Variants in FRAS1 observed in about 807,000 individuals in gnomAD.
FRAS1 encodes the protein Fraser extracellular matrix complex subunit 1, also known as extracellular matrix organizing protein FRAS1.
In FRAS1, 290 loss-of-function variants were observed where a neutral mutation model predicts 435.2. The observed-to-expected ratio is 0.67, with a 90% CI of 0.61 to 0.73. FRAS1 has a LOEUF of 0.73. FRAS1 is among the 30% of genes least tolerant of loss of function. The pLI, the probability that FRAS1 is intolerant of heterozygous loss-of-function variation, is 0.00. For missense variants in FRAS1, 4,860 were observed against 5,001.5 expected, an observed-to-expected ratio of 0.97 and a Z score of 0.85; for synonymous variants, 1,800 against 1,851.0, an observed-to-expected ratio of 0.97 and a Z score of 0.71.
At chr4:78,523,668 G>T (rs190540482) in intron 69 of FRAS1, among the ~76,000 whole-genome samples, 134 of 152,188 alleles carry the variant, frequency 8.8e-4, no homozygotes, top group Admixed American at 1.7e-3. Flanking sequence ...TAAAATTTTT[G>T]ATCTTATATC....
In FRAS1 at chr4:78,470,098, C is replaced by G. The variant is rs1449022173; in HGVS notation, c.7371+7C>G. The G allele has an allele frequency of 2.5e-6, 4 of 1,583,942 alleles. No individual in the cohort carries two copies. The African/African-American group carries it at 5.4e-5, about 21-fold the overall frequency. ...GGAATACATGGATGGCAAGGTAAGG[C>G]CTGTCCCTCTGTCATGTTCACACCA... is the stretch of plus-strand genomic sequence containing the variant. On this transcript the variant is annotated splice_region_variant and intron_variant, in intron 51 of 73. Transcript: ENST00000512123.
chr4:78,463,010 G>C (rs1224948590), intron 47 of FRAS1, among the ~76,000 whole-genome samples: 1 of 152,098 alleles, frequency 6.6e-6, no homozygotes, highest in African/African-American at 2.4e-5. Context: ...CCAGAAAACA[G>C]CAAATCAATT....
At chr4:78,446,961 A>T in intron 43 of FRAS1, 81 bp downstream of exon 43, 2 of 1,327,962 alleles carry the variant, frequency 1.5e-6, no homozygotes, top group East Asian at 2.5e-5. Flanking sequence ...ATTTCAGTTG[A>T]CTATTTCTTT....
At chr4:78,084,455 C>T (rs557436820) in intron 2 of FRAS1, among the ~76,000 whole-genome samples, 28 of 152,042 alleles carry the variant, frequency 1.8e-4, no homozygotes, top group African/African-American at 6.0e-4. Flanking sequence ...AACTACAGGG[C>T]GTCTTGTAAT....
intron 2 of FRAS1, among the ~76,000 whole-genome samples, chr4:78,078,474 G>A (rs1740753692): frequency 6.6e-6 from 1 of 152,056 alleles, no homozygotes; most frequent in Admixed American, 6.6e-5. Context: ...CATTTAGTTT[G>A]AGAATGATTA....
Position 78,515,923 on chromosome 4 carries a change from C to A in FRAS1, c.10299C>A (p.Asn3433Lys), listed in dbSNP as rs377102088. The A allele has an allele frequency of 8.7e-6, 14 of 1,613,992 alleles. No homozygotes were observed. The Middle Eastern group carries it at 4.9e-4, about 57-fold the overall frequency. Residue 3433 changes from asparagine (N) to lysine (K), a missense_variant, in exon 66 of 74, where the codon AAC becomes AAA. Physicochemically the swap from Asn to Lys is moderately conservative, Grantham distance 94. Transcript: ENST00000512123. ...PKTIQLYKHL[N>K]LKSCVWTFDA... ...CCATCCAGCTCTACAAACACCTGAA[C>A]CTGAAGAGCTGCGTGTGGACCTTTG...
chr4:78,416,351 G>A (rs1733553580), intron 32 of FRAS1, among the ~76,000 whole-genome samples: 1 of 152,052 alleles, frequency 6.6e-6, no homozygotes, highest in Non-Finnish European at 1.5e-5. Flanking sequence ...TTTCAGCTTT[G>A]CAAGGTGGGA....
chr4:78,312,670 T>TA (rs999875110), intron 15 of FRAS1, among the ~76,000 whole-genome samples: 45 of 143,028 alleles, frequency 3.1e-4, no homozygotes, highest in East Asian at 6.0e-4. Flanking sequence ...CTACTAAAAA[T>TA]AAAAAAAAAA....
chr4:78,209,027 C>T (rs1013095135), intron 2 of FRAS1, among the ~76,000 whole-genome samples: 7 of 151,666 alleles, frequency 4.6e-5, no homozygotes, highest in Non-Finnish European at 1.0e-4. Context: ...TGCCTGTGGT[C>T]CCAGCTACAT....
At chr4:78,237,421 C>G in intron 2 of FRAS1, 89 bp from the exon 3 acceptor site, 1 of 856,216 alleles carries the variant, frequency 1.2e-6, no homozygotes. Context: ...TTGTAATTGT[C>G]CAGGATGTGG....
At chr4:78,172,474 A>G (rs1264974076) in intron 2 of FRAS1, among the ~76,000 whole-genome samples, 1 of 152,116 alleles carries the variant, frequency 6.6e-6, no homozygotes, top group Non-Finnish European at 1.5e-5. Flanking sequence ...ACTGACAAAC[A>G]CTTTTTTTCT....
At chr4:78,099,757 T>C (rs938654988) in intron 2 of FRAS1, among the ~76,000 whole-genome samples, 1 of 152,108 alleles carries the variant, frequency 6.6e-6, no homozygotes, top group African/African-American at 2.4e-5. Context: ...GGGAGAGGTA[T>C]GTTGGATATA....
At chr4:78,066,837 C>T (rs1187647763) in intron 2 of FRAS1, among the ~76,000 whole-genome samples, 1 of 152,172 alleles carries the variant, frequency 6.6e-6, no homozygotes. Flanking sequence ...ATTGAAATAG[C>T]TGAGGAATAT....
chr4:78,129,070 T>A (rs546824710), intron 2 of FRAS1, among the ~76,000 whole-genome samples: 2 of 152,338 alleles, frequency 1.3e-5, no homozygotes, highest in South Asian at 4.2e-4. Context: ...GTTGTAGATA[T>A]GCGGCATTAT....
intron 22 of FRAS1, 96 bp downstream of exon 22, chr4:78,364,150 C>G: frequency 7.6e-7 from 1 of 1,310,548 alleles, no homozygotes; most frequent in Non-Finnish European, 1.0e-6. Flanking sequence ...CATCTTCTCA[C>G]CTGGTAGCCT....
chr4:78,276,028 T>G (rs1428654355), intron 9 of FRAS1, among the ~76,000 whole-genome samples: 1 of 152,228 alleles, frequency 6.6e-6, no homozygotes, highest in Non-Finnish European at 1.5e-5. Flanking sequence ...TTATTCTTTT[T>G]TCTCTAAACT....
chr4:78,153,127 A>G (rs1720739270), intron 2 of FRAS1, among the ~76,000 whole-genome samples: 1 of 152,120 alleles, frequency 6.6e-6, no homozygotes, highest in Non-Finnish European at 1.5e-5. Context: ...TTCCTAACTT[A>G]AAGACTTATC....
At chr4:78,503,149 T>C (rs1720731701) in intron 61 of FRAS1, among the ~76,000 whole-genome samples, 1 of 152,242 alleles carries the variant, frequency 6.6e-6, no homozygotes, top group South Asian at 2.1e-4. Context: ...GCATTGATGG[T>C]CATCAGGGAT....
At chr4:78,293,855 T>C (rs1030189361) in intron 14 of FRAS1, among the ~76,000 whole-genome samples, 4 of 152,198 alleles carry the variant, frequency 2.6e-5, no homozygotes, top group Non-Finnish European at 5.9e-5. Context: ...GCATTTGTCT[T>C]TGCCACTTCT....
Sources: allele counts gnomAD v4.1 joint callset (sites outside exome capture counted in the v4.1 genomes callset), GRCh38; gene constraint gnomAD v4.1.1; transcripts MANE v1.5; gene names NCBI Gene and HGNC (gene_info 2026-07-23, HGNC 2026-07-21).